PTPRR: variants seen among roughly 807,000 people sequenced by gnomAD.
The protein encoded by PTPRR is receptor-type tyrosine-protein phosphatase R.
PTPRR carries 38 observed loss-of-function variants against 77.2 expected under a neutral mutation model. The observed-to-expected ratio is 0.49, with a 90% CI of 0.38 to 0.65. The LOEUF (loss-of-function observed/expected upper bound fraction) is 0.65, where lower values mean the gene tolerates loss of function less well. Among genes scored for constraint, PTPRR ranks in the 30% least tolerant of loss-of-function variants. The pLI is 0.00. For synonymous variants in PTPRR, 299 were observed against 283.1 expected (o/e 1.06, Z -0.57); for missense variants, 744 against 799.2 (o/e 0.93, Z 0.83).
rs1890199851 is a variant in PTPRR, at chr12:70,745,926, T to C, written c.899A>G (p.Asn300Ser). The change falls in exon 6 of 14, where the codon AAT becomes AGT. Residue 300 changes from asparagine to serine, a missense_variant. Transcript: ENST00000283228. ...VQPEQAPKVL[N>S]VVVDPQGRGA... Reference sequence around the variant, plus strand: ...TCGGCCTTGAGGGTCCACGACAACATTCAGTACCTTTGGGGCCTGCTCAGG... The same window carrying C: ...TCGGCCTTGAGGGTCCACGACAACACTCAGTACCTTTGGGGCCTGCTCAGG... 6.2e-7 allele frequency: 1 copy of C among 1,613,984 alleles called. No homozygotes were observed. The highest frequency in any genetic ancestry group is 1.7e-5 in the Admixed American group (1 of 59,992).
intron 2 of PTPRR, among the ~76,000 whole-genome samples, chr12:70,833,059 G>A (rs974860090): frequency 6.6e-6 from 1 of 152,124 alleles, no homozygotes; most frequent in Non-Finnish European, 1.5e-5. Context: ...CCATTCATGA[G>A]GAATCTGCCC....
At chr12:70,698,409 C>T (rs1888307910) in intron 7 of PTPRR, 60 bp from the exon 8 acceptor site, 15 of 1,430,794 alleles carry the variant, frequency 1.0e-5, no homozygotes, top group South Asian at 4.7e-5. Context: ...AAAATCTTCA[C>T]AGGGGGGCAT....
At chr12:70,810,474 C>G (rs989511321) in intron 2 of PTPRR, among the ~76,000 whole-genome samples, 2 of 152,124 alleles carry the variant, frequency 1.3e-5, no homozygotes, top group Non-Finnish European at 2.9e-5. Context: ...GGCAAAAGGT[C>G]AATGCATTAA....
At chr12:70,914,623 T>C (rs12816176) in intron 1 of PTPRR, among the ~76,000 whole-genome samples, 24,882 of 152,068 alleles carry the variant, frequency 0.16, 2,279 homozygotes, top group African/African-American at 0.24. Context: ...TTTATCAGAG[T>C]AATTGTGTTG....
At chr12:70,843,509 A>G (rs11178451) in intron 2 of PTPRR, among the ~76,000 whole-genome samples, 32 of 151,864 alleles carry the variant, frequency 2.1e-4, no homozygotes, top group Non-Finnish European at 4.0e-4. Context: ...ACTTTAATGA[A>G]CTCTCCAATT....
At chr12:70,858,636 A>C (rs1372552828) in intron 2 of PTPRR, among the ~76,000 whole-genome samples, 1 of 151,980 alleles carries the variant, frequency 6.6e-6, no homozygotes, top group South Asian at 2.1e-4. Flanking sequence ...CCCATGATCT[A>C]TTATTCTATT....
chr12:70,745,791 C>A, intron 6 of PTPRR, 27 bp downstream of exon 6: 1 of 1,600,312 alleles, frequency 6.2e-7, no homozygotes, highest in Middle Eastern at 1.7e-4. Flanking sequence ...AAAAGCCACA[C>A]GTAGGGTATA....
At chr12:70,683,875 T>C (rs1887762550) in intron 10 of PTPRR, among the ~76,000 whole-genome samples, 1 of 152,224 alleles carries the variant, frequency 6.6e-6, no homozygotes, top group East Asian at 1.9e-4. Flanking sequence ...AGGGTGATAA[T>C]TCATGGCCCC....
At chr12:70,911,694 TGG>T (rs1450745675) in intron 1 of PTPRR, among the ~76,000 whole-genome samples, 2 of 142,584 alleles carry the variant, frequency 1.4e-5, no homozygotes, top group East Asian at 4.2e-4. Flanking sequence ...CCTGCACATA[TGG>T]TCAGGCTCCT....
chr12:70,887,942 G>C (rs529817623), intron 2 of PTPRR, among the ~76,000 whole-genome samples: 1 of 152,282 alleles, frequency 6.6e-6, no homozygotes, highest in African/African-American at 2.4e-5. Flanking sequence ...GATCCCAGGT[G>C]ATGTAGGATA....
At chr12:70,916,143 G>C (rs1056162308) in intron 1 of PTPRR, among the ~76,000 whole-genome samples, 7 of 152,086 alleles carry the variant, frequency 4.6e-5, no homozygotes, top group Non-Finnish European at 1.0e-4. Flanking sequence ...TTTTATCTGG[G>C]TGATGGGGGG....
intron 2 of PTPRR, among the ~76,000 whole-genome samples, chr12:70,778,197 C>A (rs1029148300): frequency 1.3e-5 from 2 of 152,042 alleles, no homozygotes; most frequent in South Asian, 4.2e-4. Context: ...CTGATTCAAT[C>A]TTTATTTCTA....
intron 2 of PTPRR, among the ~76,000 whole-genome samples, chr12:70,834,990 C>G (rs893538706): frequency 6.6e-6 from 1 of 152,098 alleles, no homozygotes; most frequent in East Asian, 1.9e-4. Flanking sequence ...CTTACCCCTT[C>G]TTACACCACT....
At position 70,846,531 on chromosome 12, in the gene PTPRR, G is replaced by C. The variant is rs185925488; in HGVS notation, c.357+46148C>G. 3.2e-3 allele frequency among the ~76,000 whole-genome samples: 494 copies of C among 152,268 alleles called. 3 individuals are homozygous for C. Among genetic ancestry groups the C allele is most frequent in the African/African-American group, 0.011 (478 of 41,568 alleles). On this transcript the variant is annotated intron_variant, in intron 2 of 13. Transcript: ENST00000283228. Reference sequence around the variant, plus strand: ...ATGTTTGTGTCCTCTCAAAATTCTTGTTGAAATCCTAACCCCCAAGGTGAT... The same window carrying C: ...ATGTTTGTGTCCTCTCAAAATTCTTCTTGAAATCCTAACCCCCAAGGTGAT...
chr12:70,644,097 A>G (rs572423200), intron 13 of PTPRR, among the ~76,000 whole-genome samples: 17 of 152,122 alleles, frequency 1.1e-4, no homozygotes, highest in Admixed American at 9.8e-4. Flanking sequence ...AAACCAACCA[A>G]ATAAATTGTT....
intron 2 of PTPRR, among the ~76,000 whole-genome samples, chr12:70,877,243 C>T (rs1565727603): frequency 6.6e-6 from 1 of 152,136 alleles, no homozygotes; most frequent in Non-Finnish European, 1.5e-5. Flanking sequence ...TTTACTTAAA[C>T]TGAAGTGTGA....
chr12:70,900,706 G>A (rs1166060070), intron 1 of PTPRR, among the ~76,000 whole-genome samples: 1 of 151,382 alleles, frequency 6.6e-6, no homozygotes, highest in African/African-American at 2.4e-5. Flanking sequence ...TGAAAAGATG[G>A]GCAAAAGATT....
At chr12:70,702,850 AT>A (rs991173214) in intron 6 of PTPRR, among the ~76,000 whole-genome samples, 2 of 151,466 alleles carry the variant, frequency 1.3e-5, no homozygotes, top group African/African-American at 4.9e-5. Flanking sequence ...AAACTACTTG[AT>A]TTTTTTTCGA....
Position 70,721,660 on chromosome 12 carries a change from AACTGGAATT to A in PTPRR, c.1008-20346_1008-20338del, listed in dbSNP as rs1416336149. ...TCTTGGGCTTTTTTCTACTAGGCAA[AACTGGAATT>A]ATGAATTCTGCACAGTATAGGATTC... On this transcript the variant is annotated intron_variant, in intron 6 of 13. Coordinates refer to ENST00000283228, the MANE Select transcript of PTPRR (RefSeq NM_002849.4). Among the ~76,000 whole-genome samples the A allele has an allele frequency of 7.2e-5, 11 of 152,164 alleles. No homozygotes were observed. The South Asian group carries it at 2.3e-3, about 31-fold the overall frequency.
Sources: allele counts gnomAD v4.1 joint callset (sites outside exome capture counted in the v4.1 genomes callset), GRCh38; gene constraint gnomAD v4.1.1; transcripts MANE v1.5; gene names NCBI Gene and HGNC (gene_info 2026-07-23, HGNC 2026-07-21).